Variants in PAX5 observed in about 807,000 individuals in gnomAD.
The protein encoded by PAX5 is paired box protein Pax-5.
Under a neutral mutation model 43.7 loss-of-function variants are expected in PAX5, and 9 were observed. The observed-to-expected ratio is 0.21, with a 90% CI of 0.12 to 0.36. The LOEUF (loss-of-function observed/expected upper bound fraction) is 0.36. Among genes scored for constraint, PAX5 ranks in the 10% least tolerant of loss-of-function variants. The pLI, the probability that PAX5 is intolerant of heterozygous loss-of-function variation, is 1.00. For synonymous variants in PAX5, 228 were observed against 214.3 expected (o/e 1.06, Z -0.56); for missense variants, 383 against 532.7 (o/e 0.72, Z 2.77).
intron 5 of PAX5, among the ~76,000 whole-genome samples, chr9:36,997,009 G>C (rs1378748715): frequency 6.6e-6 from 1 of 152,156 alleles, no homozygotes. Flanking sequence ...AGGAAATAAA[G>C]CCAAATAACA....
At chr9:37,002,348 G>A (rs996214940) in intron 5 of PAX5, among the ~76,000 whole-genome samples, 1 of 152,178 alleles carries the variant, frequency 6.6e-6, no homozygotes, top group African/African-American at 2.4e-5. Context: ...CGCACACAGG[G>A]TCTTCTTAAA....
Position 36,881,978 on chromosome 9 carries a change from T to A in PAX5, c.1012+26A>T, listed in dbSNP as rs371731824. ...CCGAAACCCCGTCCGCTGCCTGCTG[T>A]GGAGACGCCGACAGTGCAAACTCAC... On this transcript the variant is annotated intron_variant, in intron 8 of 9. Coordinates refer to ENST00000358127, the MANE Select transcript of PAX5 (RefSeq NM_016734.3). 22 of 1,561,904 alleles carry A rather than the reference T, an allele frequency of 1.4e-5. No individual in the cohort carries two copies. In the African/African-American group the frequency reaches 2.4e-4, roughly 17 times the overall value.
intron 8 of PAX5, among the ~76,000 whole-genome samples, chr9:36,870,308 A>G (rs906244650): frequency 1.3e-5 from 2 of 152,208 alleles, no homozygotes; most frequent in African/African-American, 4.8e-5. Flanking sequence ...ACAGCACATC[A>G]TGCATTAAAT....
rs914000056 is a variant in PAX5 at position 36,912,031 on chromosome 9, T to C, written c.910+11324A>G. 7.2e-5 allele frequency among the ~76,000 whole-genome samples: 11 copies of C among 152,270 alleles called. No homozygotes were observed. In the South Asian group the frequency reaches 2.3e-3, roughly 32 times the overall value. On this transcript the variant is annotated intron_variant, in intron 7 of 9. Coordinates refer to ENST00000358127, the MANE Select transcript of PAX5 (RefSeq NM_016734.3). ...GATAGACACTGGGACTCTAAACAAG[T>C]GGAAAAAATTCAGAGCTCTCCACCC...
intron 1 of PAX5, among the ~76,000 whole-genome samples, chr9:37,032,152 A>G (rs1173708646): frequency 2.0e-5 from 3 of 152,152 alleles, no homozygotes; most frequent in African/African-American, 7.2e-5. Flanking sequence ...GGGCTCCCGT[A>G]TCTCACCCCA....
chr9:36,876,479 A>G (rs1320890329), intron 8 of PAX5, among the ~76,000 whole-genome samples: 1 of 152,232 alleles, frequency 6.6e-6, no homozygotes, highest in Non-Finnish European at 1.5e-5. Context: ...CCAAAGGGCA[A>G]TGAACTCCCC....
At chr9:36,846,070 T>A (rs1382871468) in intron 9 of PAX5, among the ~76,000 whole-genome samples, 1 of 152,232 alleles carries the variant, frequency 6.6e-6, no homozygotes, top group Non-Finnish European at 1.5e-5. Flanking sequence ...TTTGAGCCCA[T>A]GCCTCTACTT....
At chr9:36,866,317 C>T (rs1824880628) in intron 8 of PAX5, among the ~76,000 whole-genome samples, 1 of 152,178 alleles carries the variant, frequency 6.6e-6, no homozygotes, top group Non-Finnish European at 1.5e-5. Context: ...AACCCAGGAA[C>T]AGAAAACAAT....
chr9:36,924,645 A>C (rs1317404389), intron 6 of PAX5, among the ~76,000 whole-genome samples: 1 of 150,746 alleles, frequency 6.6e-6, no homozygotes, highest in Non-Finnish European at 1.5e-5. Flanking sequence ...GACTGAGCCC[A>C]GGAGATCGAG....
At chr9:36,919,129 T>C (rs1287105045) in intron 7 of PAX5, among the ~76,000 whole-genome samples, 1 of 152,170 alleles carries the variant, frequency 6.6e-6, no homozygotes, top group Non-Finnish European at 1.5e-5. Flanking sequence ...CTTGAGTCCT[T>C]GAGAATTATA....
At position 36,840,293 on chromosome 9, in the gene PAX5, A is replaced by C. The variant is rs1821933042; in HGVS notation, c.*267T>G. ...CTGGGCTGGGGCTGCGGTTATTTGC[A>C]GGACAGTCTATTGGTTTGCAGAGAC... On this transcript the variant is annotated 3_prime_UTR_variant, in exon 10 of 10. Coordinates refer to ENST00000358127, the MANE Select transcript of PAX5 (RefSeq NM_016734.3). The C allele has an allele frequency of 1.7e-6, 1 of 573,802 alleles. No homozygotes were observed. Among genetic ancestry groups the C allele is most frequent in the Admixed American group, 3.1e-5 (1 of 32,032 alleles). The allele number at this position is 573,802 out of a possible 1,614,324, so 35.5% of individuals were successfully genotyped here.
chr9:36,891,135 T>A (rs1827343549), intron 7 of PAX5, among the ~76,000 whole-genome samples: 1 of 151,998 alleles, frequency 6.6e-6, no homozygotes, highest in Admixed American at 6.5e-5. Context: ...CGCAACTTCA[T>A]CTCCAAAAAA....
chr9:36,848,350 C>CCCCACACACACACACACACACACACA (rs1554646826), intron 8 of PAX5, among the ~76,000 whole-genome samples: 19 of 136,366 alleles, frequency 1.4e-4, no homozygotes, highest in African/African-American at 5.4e-4. Context: ...CAGAGCGTGT[C>CCCCACACACACACACACACACACACA]CACACACACA....
chr9:36,899,929 T>G lies in PAX5; in HGVS notation c.911-17824A>C, dbSNP rs901474873. ...ATGTGCAGATTCCCTTGGGCTTTCA[T>G]TTAATGCTGCCTCAAATCCTGTGGA... is the stretch of plus-strand genomic sequence containing the variant. On this transcript the variant is annotated intron_variant, in intron 7 of 9. Coordinates refer to ENST00000358127, the MANE Select transcript of PAX5 (RefSeq NM_016734.3). Among the ~76,000 whole-genome samples the G allele has an allele frequency of 2.0e-5, 3 of 152,322 alleles. No homozygotes were observed. The East Asian group carries it at 5.8e-4, about 29-fold the overall frequency.
intron 6 of PAX5, among the ~76,000 whole-genome samples, chr9:36,958,245 C>A (rs1452184728): frequency 1.3e-5 from 2 of 152,014 alleles, no homozygotes; most frequent in African/African-American, 4.8e-5. Context: ...CATTGCCTCA[C>A]TGGTCTACCC....
chr9:36,959,035 C>G (rs1390263673), intron 6 of PAX5, among the ~76,000 whole-genome samples: 1 of 152,204 alleles, frequency 6.6e-6, no homozygotes, highest in Non-Finnish European at 1.5e-5. Context: ...AGTCCCCACC[C>G]CTTTGCTGCT....
chr9:36,837,347 G>T lies in PAX5; in HGVS notation c.*3213C>A, dbSNP rs1484151345. 4.3e-6 allele frequency: 1 copy of T among 233,200 alleles called. No homozygotes were observed. Among genetic ancestry groups the T allele is most frequent in the Middle Eastern group, 1.2e-3 (1 of 808 alleles). 14.4% of individuals were successfully genotyped at this position (233,200 alleles called of 1,614,324 possible). A position where few individuals can be genotyped will look rare whatever the true frequency, so the allele number is the denominator to read the frequency against. ...AACTAAGGTGCCTTGGGAAAGGGAT[G>T]TTGGGTTTGATATATCATCCAATTT... On this transcript the variant is annotated 3_prime_UTR_variant, in exon 10 of 10. Coordinates refer to ENST00000358127, the MANE Select transcript of PAX5 (RefSeq NM_016734.3).
chr9:36,918,663 A>G lies in PAX5; in HGVS notation c.910+4692T>C, dbSNP rs192634186. Among the ~76,000 whole-genome samples, 156 of 152,294 alleles carry G rather than the reference A, an allele frequency of 1.0e-3. 2 individuals are homozygous for G. Among genetic ancestry groups the G allele is most frequent in the Admixed American group, 4.7e-3 (72 of 15,282 alleles). On this transcript the variant is annotated intron_variant, in intron 7 of 9. Coordinates refer to ENST00000358127, the MANE Select transcript of PAX5 (RefSeq NM_016734.3). Reference sequence around the variant, plus strand: ...GTGACACAGTGAGACCCTGCCTCAAAAAAAAGAAGAAGAAGATGATCAAAC... The same window carrying G: ...GTGACACAGTGAGACCCTGCCTCAAGAAAAAGAAGAAGAAGATGATCAAAC...
chr9:36,901,545 A>G (rs1563948122), intron 7 of PAX5, among the ~76,000 whole-genome samples: 1 of 152,198 alleles, frequency 6.6e-6, no homozygotes, highest in Admixed American at 6.5e-5. Context: ...CAACCCTCAG[A>G]ACAACCCAAT....
Sources: allele counts gnomAD v4.1 joint callset (sites outside exome capture counted in the v4.1 genomes callset), GRCh38; gene constraint gnomAD v4.1.1; transcripts MANE v1.5; gene names NCBI Gene and HGNC (gene_info 2026-07-23, HGNC 2026-07-21).